SPIRE2: variants seen among roughly 807,000 people sequenced by gnomAD.
SPIRE2 encodes spire type actin nucleation factor 2.
Under a neutral mutation model 80.7 loss-of-function variants are expected in SPIRE2, and 76 were observed. The ratio of observed to expected loss-of-function variants is 0.94; its 90% CI spans 0.78 to 1.14. The LOEUF (loss-of-function observed/expected upper bound fraction) is 1.14. Among genes scored for constraint, SPIRE2 ranks in the 50% most tolerant of loss-of-function variants. SPIRE2 has a pLI of 0.00. For missense variants in SPIRE2, 1,196 were observed against 1,015.3 expected (o/e 1.18, Z -2.42); for synonymous variants, 535 against 432.6 (o/e 1.24, Z -2.94).
At chr16:89,864,716 G>T (rs1449777824) in intron 12 of SPIRE2, among the ~76,000 whole-genome samples, 2 of 152,194 alleles carry the variant, frequency 1.3e-5, no homozygotes, top group African/African-American at 4.8e-5. Context: ...CAAAGTGATT[G>T]TTGCTCTAGG....
At chr16:89,859,446 T>C (rs1415176195) in intron 9 of SPIRE2, 92 bp downstream of exon 9, 2 of 797,510 alleles carry the variant, frequency 2.5e-6, no homozygotes, top group East Asian at 3.4e-5. Flanking sequence ...CACATCTTCC[T>C]GAGCAGGCAG....
Position 89,863,228 on chromosome 16 carries a change from A to C in SPIRE2, c.1576-248A>C. 1 of 552,698 alleles carries C rather than the reference A, an allele frequency of 1.8e-6. No homozygotes were observed. The highest frequency in any genetic ancestry group is 3.2e-6 in the Non-Finnish European group (1 of 307,716). 34.2% of individuals were successfully genotyped at this position (552,698 alleles called of 1,614,324 possible). On this transcript the variant is annotated intron_variant, in intron 10 of 14. Transcript: ENST00000378247. The surrounding 1 kb of genome is among the most constrained non-coding windows in gnomAD (Gnocchi z 4.3). ...CATGGGCTGAGGGGAGTTTGTGTGGAGCGTGGCCAGTGAAGGCTGGGCTGG... is the reference window on the plus strand; with the variant it reads ...CATGGGCTGAGGGGAGTTTGTGTGGCGCGTGGCCAGTGAAGGCTGGGCTGG...
rs1006268816 is a variant in SPIRE2, at chr16:89,863,243, G to T, written c.1576-233G>T. ...GTTTGTGTGGAGCGTGGCCAGTGAA[G>T]GCTGGGCTGGCCGGCAGGGTCCGCT... On this transcript the variant is annotated intron_variant, in intron 10 of 14. Coordinates refer to ENST00000378247, the MANE Select transcript of SPIRE2 (RefSeq NM_032451.2). The surrounding 1 kb of genome is among the most constrained non-coding windows in gnomAD (Gnocchi z 4.3). 1 of 573,582 alleles carries T rather than the reference G, an allele frequency of 1.7e-6. No individual in the cohort carries two copies. The highest frequency in any genetic ancestry group is 3.1e-6 in the Non-Finnish European group (1 of 321,904). 35.5% of individuals were successfully genotyped at this position (573,582 alleles called of 1,614,324 possible).
intron 3 of SPIRE2, among the ~76,000 whole-genome samples, chr16:89,850,947 C>G (rs1239238420): frequency 6.6e-6 from 1 of 152,110 alleles, no homozygotes; most frequent in Non-Finnish European, 1.5e-5. Context: ...AGCAATTCTC[C>G]TGCCACAGGC....
intron 12 of SPIRE2, among the ~76,000 whole-genome samples, chr16:89,867,423 G>A (rs951240808): frequency 7.9e-5 from 12 of 152,014 alleles, no homozygotes; most frequent in South Asian, 2.1e-4. Context: ...GATTACAGGC[G>A]TGAGGCATCG....
At chr16:89,836,160 G>A in intron 1 of SPIRE2, 3 of 455,598 alleles carry the variant, frequency 6.6e-6, no homozygotes, top group South Asian at 4.7e-5. Flanking sequence ...GGGCGACACA[G>A]TGAGACTCCA....
At chr16:89,829,191 G>T (rs1036248136) in intron 1 of SPIRE2, among the ~76,000 whole-genome samples, 1 of 152,228 alleles carries the variant, frequency 6.6e-6, no homozygotes. Flanking sequence ...AGACAGAAGC[G>T]TCCCCTTGGG....
intron 1 of SPIRE2, among the ~76,000 whole-genome samples, chr16:89,843,675 T>TTTTGG (rs2041525720): frequency 1.4e-4 from 5 of 34,968 alleles, no homozygotes; most frequent in Non-Finnish European, 2.0e-4. Context: ...ACGTTTTTTT[T>TTTTGG]TTTTTGTTTG....
chr16:89,861,353 G>A (rs1017757748), intron 10 of SPIRE2, among the ~76,000 whole-genome samples: 2 of 152,254 alleles, frequency 1.3e-5, no homozygotes, highest in African/African-American at 4.8e-5. Context: ...TGTGAACGGT[G>A]TGGTTGCTGT....
At chr16:89,859,042 T>G (rs1029030479) in intron 8 of SPIRE2, 123 bp from the exon 9 acceptor site, 14 of 854,488 alleles carry the variant, frequency 1.6e-5, no homozygotes, top group East Asian at 6.1e-5. Flanking sequence ...GGGAAGTGGG[T>G]GGAGGCTGCC....
At chr16:89,869,053 A>AAT (rs1555601129) in intron 13 of SPIRE2, among the ~76,000 whole-genome samples, 1,036 of 23,966 alleles carry the variant, frequency 0.043, 128 homozygotes, top group Non-Finnish European at 0.059. Flanking sequence ...AAAAAAAAAA[A>AAT]ATATATATAT....
intron 1 of SPIRE2, among the ~76,000 whole-genome samples, chr16:89,834,154 G>A (rs56138214): frequency 0.032 from 3,507 of 108,566 alleles, 304 homozygotes; most frequent in Middle Eastern, 0.15. Flanking sequence ...ACCTGCCTGC[G>A]CTCGCGGTTG....
At chr16:89,846,688 T>C (rs965402905) in intron 2 of SPIRE2, 1 of 151,696 alleles carries the variant, frequency 6.6e-6, no homozygotes, top group Non-Finnish European at 1.5e-5. Context: ...AATTTTTGTA[T>C]TTTTAGTAGA....
At chr16:89,869,278 C>T (rs922745150) in intron 13 of SPIRE2, among the ~76,000 whole-genome samples, 5 of 151,546 alleles carry the variant, frequency 3.3e-5, no homozygotes, top group African/African-American at 7.3e-5. Context: ...CTCTAAGGAG[C>T]CCCTGTCCAG....
At chr16:89,851,152 G>C (rs1356791875) in intron 3 of SPIRE2, among the ~76,000 whole-genome samples, 1 of 152,178 alleles carries the variant, frequency 6.6e-6, no homozygotes, top group African/African-American at 2.4e-5. Context: ...GAAGTTAAGT[G>C]GTGGGCTCAG....
chr16:89,832,623 T>C (rs1362012820), intron 1 of SPIRE2, among the ~76,000 whole-genome samples: 3 of 152,072 alleles, frequency 2.0e-5, no homozygotes. Context: ...TCACTGTCCC[T>C]GGGCACCCTC....
chr16:89,832,515 T>C (rs1262522432), intron 1 of SPIRE2, among the ~76,000 whole-genome samples: 2 of 152,080 alleles, frequency 1.3e-5, no homozygotes, highest in Non-Finnish European at 2.9e-5. Context: ...CCAGGACACT[T>C]CTGCTTGGAA....
intron 1 of SPIRE2, among the ~76,000 whole-genome samples, chr16:89,838,753 C>T (rs2041475006): frequency 1.3e-5 from 2 of 152,160 alleles, no homozygotes; most frequent in Non-Finnish European, 2.9e-5. Context: ...ACAGCCCGTG[C>T]TAGGAGTGTT....
intron 1 of SPIRE2, among the ~76,000 whole-genome samples, chr16:89,840,797 A>G (rs6500458): frequency 0.7 from 105,460 of 150,446 alleles, 37,911 homozygotes; most frequent in East Asian, 0.99. Context: ...CACCACGCCC[A>G]GCTTATTTTT....
Sources: gnomAD v4.1 joint callset for allele counts (sites outside exome capture counted in the v4.1 genomes callset) on GRCh38, gnomAD v4.1.1 for gene constraint, Gnocchi (gnomAD v3.1) non-coding constraint, MANE v1.5 for transcripts, NCBI Gene and HGNC (gene_info 2026-07-23, HGNC 2026-07-21) for gene names.